SORCS3: variants seen among roughly 807,000 people sequenced by gnomAD.
The protein encoded by SORCS3 is VPS10 domain-containing receptor SorCS3.
In SORCS3, 57 loss-of-function variants were observed where a neutral mutation model predicts 146.3. The ratio of observed to expected loss-of-function variants is 0.39; its 90% CI spans 0.31 to 0.49. SORCS3 has a LOEUF of 0.49. Ranked by LOEUF, SORCS3 falls within the 20% of genes least tolerant of loss-of-function variation. The pLI, the probability that SORCS3 is intolerant of heterozygous loss-of-function variation, is 0.92. For synonymous variants in SORCS3, 653 were observed against 618.5 expected, an observed-to-expected ratio of 1.06 and a Z score of -0.83; for missense variants, 1,341 against 1,575.5, an observed-to-expected ratio of 0.85 and a Z score of 2.52.
chr10:104,813,671 G>A (rs1441037189), intron 1 of SORCS3, among the ~76,000 whole-genome samples: 1 of 152,176 alleles, frequency 6.6e-6, no homozygotes, highest in African/African-American at 2.4e-5. Flanking sequence ...GGGTTGGTTG[G>A]AGCTGATGGC....
chr10:105,159,100 G>A, intron 11 of SORCS3, 106 bp downstream of exon 11: 1 of 743,018 alleles, frequency 1.3e-6, no homozygotes, highest in East Asian at 2.8e-5. Context: ...TGAAAGCTGT[G>A]AGCACTCGCC....
At chr10:104,831,328 C>T (rs541596666) in intron 1 of SORCS3, among the ~76,000 whole-genome samples, 11 of 152,168 alleles carry the variant, frequency 7.2e-5, no homozygotes, top group African/African-American at 2.6e-4. Context: ...AGAAAAGAAA[C>T]AGAGAGAGAG....
chr10:104,644,237 G>A (rs2015464935), intron 1 of SORCS3, among the ~76,000 whole-genome samples: 1 of 152,248 alleles, frequency 6.6e-6, no homozygotes, highest in African/African-American at 2.4e-5. Flanking sequence ...CCATGCAAGA[G>A]CACCACAGGT....
chr10:104,971,732 G>A (rs999317523), intron 3 of SORCS3, among the ~76,000 whole-genome samples: 1 of 152,118 alleles, frequency 6.6e-6, no homozygotes, highest in Non-Finnish European at 1.5e-5. Flanking sequence ...TATATTGAGT[G>A]CAAAAGAAGA....
At chr10:104,701,781 A>T (rs1589464058) in intron 1 of SORCS3, among the ~76,000 whole-genome samples, 1 of 152,208 alleles carries the variant, frequency 6.6e-6, no homozygotes, top group Non-Finnish European at 1.5e-5. Flanking sequence ...CTAAGCAGGT[A>T]TCAAGTATTG....
At chr10:104,832,309 T>C (rs1389901582) in intron 1 of SORCS3, among the ~76,000 whole-genome samples, 2 of 152,184 alleles carry the variant, frequency 1.3e-5, no homozygotes, top group Non-Finnish European at 2.9e-5. Flanking sequence ...CTGTTTCTCC[T>C]TGACAATAGG....
intron 7 of SORCS3, among the ~76,000 whole-genome samples, chr10:105,138,113 T>C (rs750223492): frequency 6.6e-5 from 10 of 152,132 alleles, no homozygotes; most frequent in Non-Finnish European, 1.0e-4. Flanking sequence ...AGAATGATGG[T>C]AATTAGATGT....
intron 5 of SORCS3, among the ~76,000 whole-genome samples, chr10:105,065,500 G>A (rs1429843773): frequency 6.6e-6 from 1 of 151,954 alleles, no homozygotes; most frequent in East Asian, 1.9e-4. Context: ...AGTGCTAAAA[G>A]CCTTATACTC....
At position 105,183,606 on chromosome 10, in the gene SORCS3, C is replaced by T. The variant is rs569473006; in HGVS notation, c.2009+5433C>T. ...GCTGGAAGAGCCTGATTTTACTTTG[C>T]CCAAAGTAAGTCATTCGAGTAATCG... On this transcript the variant is annotated intron_variant, in intron 14 of 26. Coordinates refer to ENST00000369701, the MANE Select transcript of SORCS3 (RefSeq NM_014978.3). 2.0e-5 allele frequency among the ~76,000 whole-genome samples: 3 copies of T among 152,276 alleles called. No individual in the cohort carries two copies. The South Asian group carries it at 6.2e-4, about 32-fold the overall frequency.
intron 20 of SORCS3, among the ~76,000 whole-genome samples, chr10:105,227,276 T>G (rs2056739100): frequency 6.6e-6 from 1 of 152,090 alleles, no homozygotes; most frequent in Non-Finnish European, 1.5e-5. Context: ...TCAAAATTTT[T>G]AAAATTTACT....
intron 1 of SORCS3, among the ~76,000 whole-genome samples, chr10:104,705,219 G>A (rs2016322050): frequency 8.0e-6 from 1 of 124,418 alleles, no homozygotes; most frequent in Non-Finnish European, 1.6e-5. Context: ...ATATGGGCAG[G>A]CCTTCGTTTT....
intron 20 of SORCS3, among the ~76,000 whole-genome samples, chr10:105,227,034 T>A (rs959967348): frequency 6.6e-6 from 1 of 152,038 alleles, no homozygotes; most frequent in Non-Finnish European, 1.5e-5. Flanking sequence ...TTGTATTATT[T>A]TTTTAGTCTC....
intron 1 of SORCS3, among the ~76,000 whole-genome samples, chr10:104,732,831 G>A (rs967953814): frequency 2.6e-5 from 4 of 152,130 alleles, no homozygotes; most frequent in African/African-American, 9.7e-5. Flanking sequence ...GCTGGGTATA[G>A]CCTGGTGTAT....
intron 4 of SORCS3, among the ~76,000 whole-genome samples, chr10:104,999,403 C>T (rs1361261758): frequency 6.6e-6 from 1 of 152,124 alleles, no homozygotes; most frequent in Non-Finnish European, 1.5e-5. Context: ...TTTTAGAAAA[C>T]TCTAGTTATT....
At chr10:104,966,327 A>G (rs2054826048) in intron 3 of SORCS3, among the ~76,000 whole-genome samples, 1 of 152,174 alleles carries the variant, frequency 6.6e-6, no homozygotes, top group Non-Finnish European at 1.5e-5. Context: ...ATGGAAGTCA[A>G]TATTCAACAA....
Position 105,105,506 on chromosome 10 carries a change from C to G in SORCS3, c.1203C>G (p.Ile401Met), listed in dbSNP as rs1268119288. ...CCCTGGTTGTCCAGGATGAATATATCTTCATTCAGGTGAGTACAGAAAGTG... is the reference window on the plus strand; with the variant it reads ...CCCTGGTTGTCCAGGATGAATATATGTTCATTCAGGTGAGTACAGAAAGTG... ...ISSLVVQDEYIFIQVTTSGRA... is the reference protein window; with the variant it reads ...ISSLVVQDEYMFIQVTTSGRA... Residue 401 changes from isoleucine to methionine, a missense_variant, in exon 7 of 27, where the codon ATC (isoleucine) becomes ATG (methionine). Physicochemically the swap from Ile to Met is conservative, Grantham distance 10. Transcript: ENST00000369701. 1 of 1,607,496 alleles carries G rather than the reference C, an allele frequency of 6.2e-7. No individual in the cohort carries two copies. Among genetic ancestry groups the G allele is most frequent in the Non-Finnish European group, 8.5e-7 (1 of 1,174,170 alleles).
intron 1 of SORCS3, among the ~76,000 whole-genome samples, chr10:104,696,856 T>C (rs2016222588): frequency 6.8e-6 from 1 of 146,500 alleles, no homozygotes; most frequent in African/African-American, 2.5e-5. Context: ...TGGAGGACAT[T>C]ATGCCAAGTG....
chr10:104,865,264 A>G (rs1564701278), intron 2 of SORCS3, among the ~76,000 whole-genome samples: 1 of 152,176 alleles, frequency 6.6e-6, no homozygotes, highest in Non-Finnish European at 1.5e-5. Context: ...GGAAGACAGG[A>G]AAGCAGGAAG....
intron 22 of SORCS3, among the ~76,000 whole-genome samples, chr10:105,248,970 C>T (rs943682274): frequency 6.6e-6 from 1 of 152,064 alleles, no homozygotes; most frequent in Non-Finnish European, 1.5e-5. Flanking sequence ...ATTCTGGTGG[C>T]AATGCATAGT....
Sources: allele counts gnomAD v4.1 joint callset (sites outside exome capture counted in the v4.1 genomes callset), GRCh38; gene constraint gnomAD v4.1.1; transcripts MANE v1.5; gene names NCBI Gene and HGNC (gene_info 2026-07-23, HGNC 2026-07-21).